The following MAML1 variants were observed in gnomAD, a reference collection of about 807,000 sequenced individuals.
The protein encoded by MAML1 is mastermind-like protein 1.
In MAML1, 14 loss-of-function variants were observed where a neutral mutation model predicts 77.1. That is an observed-to-expected ratio of 0.18 (90% CI 0.12 to 0.28). MAML1 has a LOEUF of 0.28. Among genes scored for constraint, MAML1 ranks in the 10% least tolerant of loss-of-function variants. The pLI is 1.00. For missense variants in MAML1, 1,217 were observed against 1,327.8 expected, an observed-to-expected ratio of 0.92 and a Z score of 1.30; for synonymous variants, 516 against 551.9, an observed-to-expected ratio of 0.93 and a Z score of 0.91.
Position 179,765,293 on chromosome 5 carries a change from G to GT in MAML1, c.316-32dup, listed in dbSNP as rs752741971. ...CTGTCATAGCAGAGCAAATTCATAT[G>GT]TATCTTAAGTCATTCTTTTCAATGT... is the stretch of plus-strand genomic sequence containing the variant. On this transcript the variant is annotated intron_variant, in intron 1 of 4. Transcript: ENST00000292599. 55 of 1,534,810 alleles carry GT rather than the reference G, an allele frequency of 3.6e-5. No individual in the cohort carries two copies. The Middle Eastern group carries it at 7.0e-4, about 20-fold the overall frequency.
chr5:179,759,232 A>G (rs1438556786), intron 1 of MAML1, among the ~76,000 whole-genome samples: 3 of 152,194 alleles, frequency 2.0e-5, no homozygotes, highest in African/African-American at 7.2e-5. Context: ...GTTCTGACAA[A>G]GGGAGTCTGT....
At chr5:179,772,199 A>C (rs1419515930) in intron 4 of MAML1, among the ~76,000 whole-genome samples, 1 of 151,642 alleles carries the variant, frequency 6.6e-6, no homozygotes, top group Non-Finnish European at 1.5e-5. Context: ...GCTCACTACA[A>C]CCTCCACCTC....
Position 179,777,194 on chromosome 5 carries a change from A to C in MAML1, c.*2317A>C. 1 of 974,432 alleles carries C rather than the reference A, an allele frequency of 1.0e-6. No homozygotes were observed. Among genetic ancestry groups the C allele is most frequent in the Non-Finnish European group, 1.2e-6 (1 of 819,680 alleles). The allele number at this position is 974,432 out of a possible 1,614,324, so 60.4% of individuals were successfully genotyped here. ...GTCCTATTAATCCCCATATTCTTCT[A>C]CTGCCCTTAACTCTGGTATACACCA... is the stretch of plus-strand genomic sequence containing the variant. On this transcript the variant is annotated 3_prime_UTR_variant, in exon 5 of 5. Coordinates refer to ENST00000292599, the MANE Select transcript of MAML1 (RefSeq NM_014757.5).
In MAML1 at chr5:179,733,361, GGCGCCC is replaced by G. The variant is rs1421872915; in HGVS notation, c.252_257del (p.Pro85_Ala86del). ...GGCAGCCGCCCGCCGCCACGGCCCC[GGCGCCC>G]GCCGCCCCGGCCCCGCGCCTGGACG... is the stretch of plus-strand genomic sequence containing the variant. On this transcript the variant is annotated inframe_deletion, in exon 1 of 5. Coordinates refer to ENST00000292599, the MANE Select transcript of MAML1 (RefSeq NM_014757.5). 1 of 1,239,880 alleles carries G rather than the reference GGCGCCC, an allele frequency of 8.1e-7. No homozygotes were observed. Among genetic ancestry groups the G allele is most frequent in the East Asian group, 3.6e-5 (1 of 27,786 alleles). The allele number at this position is 1,239,880 out of a possible 1,614,324, so 76.8% of individuals were successfully genotyped here. A position where few individuals can be genotyped will look rare whatever the true frequency, so the allele number is the denominator to read the frequency against.
chr5:179,749,123 A>G (rs147425710), intron 1 of MAML1, among the ~76,000 whole-genome samples: 5,603 of 151,200 alleles, frequency 0.037, 128 homozygotes, highest in African/African-American at 0.053. Context: ...CTGCCACCAC[A>G]CCTGGCTAGT....
intron 1 of MAML1, among the ~76,000 whole-genome samples, chr5:179,744,636 A>G (rs1215551825): frequency 6.6e-6 from 1 of 151,464 alleles, no homozygotes; most frequent in African/African-American, 2.4e-5. Flanking sequence ...TCCCGGGTTC[A>G]AGCAGTTCTG....
intron 1 of MAML1, among the ~76,000 whole-genome samples, chr5:179,748,685 A>G (rs1779428660): frequency 6.6e-6 from 1 of 152,242 alleles, no homozygotes; most frequent in African/African-American, 2.4e-5. Flanking sequence ...ACTTGTGCCT[A>G]GCACTAGGGA....
intron 1 of MAML1, among the ~76,000 whole-genome samples, chr5:179,752,350 A>AAAAAAATAT (rs1554150144): frequency 2.2e-4 from 15 of 66,716 alleles, no homozygotes; most frequent in African/African-American, 8.1e-4. Flanking sequence ...AAAAAAAAAA[A>AAAAAAATAT]ATATATATAT....
intron 1 of MAML1, among the ~76,000 whole-genome samples, chr5:179,739,815 T>C (rs1280611106): frequency 6.6e-6 from 1 of 152,190 alleles, no homozygotes; most frequent in African/African-American, 2.4e-5. Context: ...TACTAGGCCA[T>C]TTTATGTAAG....
In MAML1 at chr5:179,736,759, C is replaced by T. The variant is rs551634525; in HGVS notation, c.315+3332C>T. Among the ~76,000 whole-genome samples, 9 of 151,664 alleles carry T rather than the reference C, an allele frequency of 5.9e-5. No individual in the cohort carries two copies. The South Asian group carries it at 1.0e-3, about 18-fold the overall frequency. The stretch of plus-strand genomic sequence containing the variant: ...GGTGGATCGCCTGAGGTCAGGAGTT[C>T]GAGACCAGCCTGGCTAACATGGTGA... On this transcript the variant is annotated intron_variant, in intron 1 of 4. Transcript: ENST00000292599.
At chr5:179,758,831 C>T (rs1470091067) in intron 1 of MAML1, among the ~76,000 whole-genome samples, 1 of 152,016 alleles carries the variant, frequency 6.6e-6, no homozygotes, top group Non-Finnish European at 1.5e-5. Context: ...GGTGAAACCC[C>T]GTCTCTACTC....
In MAML1 at chr5:179,771,283, C is replaced by T. The variant is rs777058534; in HGVS notation, c.2068+40C>T. ...TGTGACGAGCAGGGACAGGGGAGGC[C>T]GCTGCCTGGTGCTGGTTGAATCCCT... On this transcript the variant is annotated intron_variant, in intron 4 of 4. Coordinates refer to ENST00000292599, the MANE Select transcript of MAML1 (RefSeq NM_014757.5). The surrounding 1 kb of genome is among the most constrained non-coding windows in gnomAD (Gnocchi z 4.7). The T allele has an allele frequency of 2.1e-5, 33 of 1,552,596 alleles. No individual in the cohort carries two copies. The East Asian group carries it at 3.8e-4, about 18-fold the overall frequency.
At chr5:179,757,580 A>G (rs560131951) in intron 1 of MAML1, among the ~76,000 whole-genome samples, 1 of 152,218 alleles carries the variant, frequency 6.6e-6, no homozygotes, top group African/African-American at 2.4e-5. Context: ...AAAAAAAAGA[A>G]GTATAGCAAT....
chr5:179,764,675 TGA>T (rs1779781136), intron 1 of MAML1, among the ~76,000 whole-genome samples: 1 of 138,526 alleles, frequency 7.2e-6, no homozygotes, highest in Non-Finnish European at 1.6e-5. Context: ...AAAAAAAAAG[TGA>T]GGGGCTGGGC....
At position 179,732,822 on chromosome 5, in the gene MAML1, G is replaced by A; in HGVS notation, c.-291G>A. 1 of 198,340 alleles carries A rather than the reference G, an allele frequency of 5.0e-6. No homozygotes were observed. The highest frequency in any genetic ancestry group is 1.0e-5 in the Non-Finnish European group (1 of 98,516). The allele number at this position is 198,340 out of a possible 1,614,324, so 12.3% of individuals were successfully genotyped here. On this transcript the variant is annotated 5_prime_UTR_variant, in exon 1 of 5. Transcript: ENST00000292599. Reference sequence around the variant, plus strand: ...TCTTACCGAGGCCCCGCCTTCTTCCGAGAGGCCCGAAAACAATTTTAAGAT... The same window carrying A: ...TCTTACCGAGGCCCCGCCTTCTTCCAAGAGGCCCGAAAACAATTTTAAGAT...
rs142703182 is a variant in MAML1, at chr5:179,757,247, G to A, written c.316-8079G>A. Reference sequence around the variant, plus strand: ...TATGAGCCCCTGAGAGCGTCTCCTTGTTCAGAGTAAAAGTTGGTATTAGAA... The same window carrying A: ...TATGAGCCCCTGAGAGCGTCTCCTTATTCAGAGTAAAAGTTGGTATTAGAA... On this transcript the variant is annotated intron_variant, in intron 1 of 4. Transcript: ENST00000292599. 4.8e-3 allele frequency among the ~76,000 whole-genome samples: 732 copies of A among 152,174 alleles called. 2 individuals carry two copies. Among genetic ancestry groups the A allele is most frequent in the Non-Finnish European group, 8.7e-3 (591 of 68,022 alleles).
chr5:179,774,745 C>T lies in MAML1; in HGVS notation c.2919C>T (p.Ala973=). ...VRTAGQELPF[A]YSGQPGGSGL... ...CCGCGGGCCAGGAGCTGCCTTTTGCCTATAGCGGGCAGCCAGGTGGCAGTG... is the reference window on the plus strand; with the variant it reads ...CCGCGGGCCAGGAGCTGCCTTTTGCTTATAGCGGGCAGCCAGGTGGCAGTG... The change falls in exon 5 of 5, where the codon GCC becomes GCT. Residue 973 remains alanine, a synonymous_variant. Transcript: ENST00000292599. The T allele has an allele frequency of 6.2e-7, 1 of 1,612,840 alleles. No individual in the cohort carries two copies. The highest frequency in any genetic ancestry group is 8.5e-7 in the Non-Finnish European group (1 of 1,180,030).
chr5:179,759,590 T>C (rs1325203939), intron 1 of MAML1, among the ~76,000 whole-genome samples: 2 of 152,212 alleles, frequency 1.3e-5, no homozygotes, highest in Non-Finnish European at 2.9e-5. Flanking sequence ...CTTGAGTGTT[T>C]CATGAAATGG....
chr5:179,774,934 T>C lies in MAML1; in HGVS notation c.*57T>C. Reference sequence around the variant, plus strand: ...TCATCCTATATTTTTATTCTCAGATTCAAAGAAAGAGCAACTACTTTGGAC... The same window carrying C: ...TCATCCTATATTTTTATTCTCAGATCCAAAGAAAGAGCAACTACTTTGGAC... On this transcript the variant is annotated 3_prime_UTR_variant, in exon 5 of 5. Transcript: ENST00000292599. 1 of 1,521,516 alleles carries C rather than the reference T, an allele frequency of 6.6e-7. No individual in the cohort carries two copies. The highest frequency in any genetic ancestry group is 8.8e-7 in the Non-Finnish European group (1 of 1,138,296). The allele number at this position is 1,521,516 out of a possible 1,614,324, so 94.3% of individuals were successfully genotyped here. A position where few individuals can be genotyped will look rare whatever the true frequency, so the allele number is the denominator to read the frequency against.
Sources: gnomAD v4.1 joint callset for allele counts (sites outside exome capture counted in the v4.1 genomes callset) on GRCh38, gnomAD v4.1.1 for gene constraint, Gnocchi (gnomAD v3.1) non-coding constraint, MANE v1.5 for transcripts, NCBI Gene and HGNC (gene_info 2026-07-23, HGNC 2026-07-21) for gene names.